Variants in C5orf24 observed in about 807,000 individuals in gnomAD.
C5orf24 encodes the protein UPF0461 protein C5orf24.
A neutral mutation model predicts 9.8 loss-of-function variants in C5orf24; 4 were observed. That is an observed-to-expected ratio of 0.41 (90% CI 0.20 to 0.93). The LOEUF (loss-of-function observed/expected upper bound fraction) is 0.93. Ranked by LOEUF, C5orf24 falls within the 40% of genes least tolerant of loss-of-function variation. The probability of loss-of-function intolerance (pLI) is 0.33; values close to 1 mark genes in which losing one functional copy is unlikely to be tolerated. For missense variants in C5orf24, 170 were observed against 236.9 expected (o/e 0.72, Z 1.85); for synonymous variants, 73 against 81.3 (o/e 0.90, Z 0.55).
rs1756273474 is a variant in C5orf24 at position 134,855,092 on chromosome 5, G to T, written c.192G>T (p.Leu64Phe). 1 of 1,613,998 alleles carries T rather than the reference G, an allele frequency of 6.2e-7. No homozygotes were observed. The highest frequency in any genetic ancestry group is 8.5e-7 in the Non-Finnish European group (1 of 1,180,034). The change falls in exon 2 of 2, where the codon TTG (leucine) becomes TTT (phenylalanine). Residue 64 changes from leucine to phenylalanine, a missense_variant. Coordinates refer to ENST00000394976, the MANE Select transcript of C5orf24 (RefSeq NM_001135586.1). The stretch of plus-strand genomic sequence containing the variant: ...AAGACCCATTAAATGAAACACACTT[G>T]CAGACTACAAGTGGCAGAAGCATAG... ...QRQDPLNETH[L>F]QTTSGRSIEI...
At position 134,855,276 on chromosome 5, in the gene C5orf24, T is replaced by C. The variant is rs148188988; in HGVS notation, c.376T>C (p.Leu126=). ...ATTTAAGACAAGTCCAGGCAGACCT[T>C]TGGGGACAACTAAAGCTGCGGGATA... ...AGFKTSPGRP[L]GTTKAAGYKV... Residue 126 remains leucine (L), a synonymous_variant, in exon 2 of 2, where the codon TTG becomes CTG. Transcript: ENST00000394976. The C allele has an allele frequency of 2.0e-4, 319 of 1,614,086 alleles. No individual in the cohort carries two copies. The African/African-American group carries it at 2.2e-3, about 11-fold the overall frequency.
chr5:134,841,392 C>T (rs1235135250), upstream of C5orf24, among the ~76,000 whole-genome samples: 1 of 151,756 alleles, frequency 6.6e-6, no homozygotes, highest in Non-Finnish European at 1.5e-5. Flanking sequence ...GAGTTGGAGA[C>T]CAGGCTGGTC....
chr5:134,855,397 C>G lies in C5orf24; in HGVS notation c.497C>G (p.Pro166Arg), dbSNP rs745591107. ...TGTGGCACTGCTGCTTTTCCTTACCCTATGATGCATGGCAGAGCAGTTCAT... is the reference window on the plus strand; with the variant it reads ...TGTGGCACTGCTGCTTTTCCTTACCGTATGATGCATGGCAGAGCAGTTCAT... ...YGCGTAAFPY[P>R]MMHGRAVHGV... Residue 166 changes from proline (P) to arginine (R), a missense_variant, in exon 2 of 2, where the codon CCT (proline) becomes CGT (arginine). By Grantham distance (103) the Pro-to-Arg change is moderately radical. Coordinates refer to ENST00000394976, the MANE Select transcript of C5orf24 (RefSeq NM_001135586.1). The G allele has an allele frequency of 2.4e-5, 38 of 1,614,064 alleles. No individual in the cohort carries two copies. Among genetic ancestry groups the G allele is most frequent in the Non-Finnish European group, 3.1e-5 (36 of 1,180,044 alleles).
upstream of C5orf24, among the ~76,000 whole-genome samples, chr5:134,843,899 A>G (rs1755935938): frequency 6.6e-6 from 1 of 152,230 alleles, no homozygotes; most frequent in Admixed American, 6.5e-5. Flanking sequence ...TTAATTTCAC[A>G]GCTCTACAAG....
upstream of C5orf24, among the ~76,000 whole-genome samples, chr5:134,841,148 G>A (rs537469016): frequency 6.6e-6 from 1 of 152,172 alleles, no homozygotes; most frequent in Non-Finnish European, 1.5e-5. Context: ...ATCGTAGAAG[G>A]GCCCGTTTCC....
chr5:134,846,178 A>C lies in C5orf24; in HGVS notation c.-38A>C, dbSNP rs1363898881. ...GGTTCCCAGCCGCTGGGAAGCCCCT[A>C]GACGCGCCGAGGGGCCGGGCTACGA... On this transcript the variant is annotated 5_prime_UTR_variant, in exon 1 of 2. Coordinates refer to ENST00000394976, the MANE Select transcript of C5orf24 (RefSeq NM_001135586.1). The C allele has an allele frequency of 6.6e-6, 1 of 152,220 alleles. No homozygotes were observed. The highest frequency in any genetic ancestry group is 1.9e-4 in the East Asian group (1 of 5,176). The allele number at this position is 152,220 out of a possible 1,614,324, so 9.4% of individuals were successfully genotyped here.
At chr5:134,838,499 C>A in the C5orf24 span, among the ~76,000 whole-genome samples, 1 of 152,012 alleles carries the variant, frequency 6.6e-6, no homozygotes, top group Non-Finnish European at 1.5e-5. Context: ...GAAACGCCGT[C>A]TCTACTAAAA....
At chr5:134,837,643 C>T in the C5orf24 span, among the ~76,000 whole-genome samples, 1 of 151,654 alleles carries the variant, frequency 6.6e-6, no homozygotes, top group African/African-American at 2.4e-5. Context: ...CTCCCTTGCC[C>T]CTTCTGCCAT....
chr5:134,843,498 G>A (rs952605369), upstream of C5orf24, among the ~76,000 whole-genome samples: 1 of 151,856 alleles, frequency 6.6e-6, no homozygotes, highest in African/African-American at 2.4e-5. Context: ...CAGTGGCGTG[G>A]CTCACTGTAA....
upstream of C5orf24, among the ~76,000 whole-genome samples, chr5:134,840,788 G>A (rs184043858): frequency 4.0e-5 from 6 of 151,562 alleles, no homozygotes; most frequent in Admixed American, 1.3e-4. Flanking sequence ...CTCCTGTTTC[G>A]GCCTCCCAAA....
intron 1 of C5orf24, among the ~76,000 whole-genome samples, chr5:134,847,616 A>G (rs74388624): frequency 0.012 from 1,828 of 151,862 alleles, 12 homozygotes; most frequent in Non-Finnish European, 0.018. Flanking sequence ...TAAAAAGATG[A>G]TCTTTAACCT....
chr5:134,850,776 C>T (rs1015375098), intron 1 of C5orf24, among the ~76,000 whole-genome samples: 6 of 151,790 alleles, frequency 4.0e-5, no homozygotes, highest in South Asian at 2.1e-4. Context: ...CATGCCCAGC[C>T]GCACGACTAA....
At chr5:134,840,741 G>A (rs1360199969), upstream of C5orf24, among the ~76,000 whole-genome samples, 1 of 151,122 alleles carries the variant, frequency 6.6e-6, no homozygotes, top group African/African-American at 2.4e-5. Context: ...CTATGTTGTT[G>A]CCTAGGCTGA....
chr5:134,838,795 A>G, the C5orf24 span, among the ~76,000 whole-genome samples: 1 of 151,884 alleles, frequency 6.6e-6, no homozygotes. Flanking sequence ...AAAAAAAAAA[A>G]TTGTCTAAGT....
At chr5:134,846,397 TC>T (rs1265755883) in intron 1 of C5orf24, 185 bp downstream of exon 1, 1 of 151,938 alleles carries the variant, frequency 6.6e-6, no homozygotes, top group Non-Finnish European at 1.5e-5. Context: ...GGGGGGACAT[TC>T]CTCCTGCGGC....
At chr5:134,853,708 A>G (rs578072824) in intron 1 of C5orf24, among the ~76,000 whole-genome samples, 1 of 152,030 alleles carries the variant, frequency 6.6e-6, no homozygotes, top group East Asian at 1.9e-4. Flanking sequence ...GTAAGGGAAG[A>G]TGATCCACAC....
At chr5:134,837,060 G>T in the C5orf24 span, among the ~76,000 whole-genome samples, 4 of 151,848 alleles carry the variant, frequency 2.6e-5, no homozygotes, top group Non-Finnish European at 5.9e-5. Context: ...TGCAACCTCC[G>T]CCTCCCAGGT....
At position 134,855,464 on chromosome 5, in the gene C5orf24, G is replaced by A. The variant is rs764241103; in HGVS notation, c.564G>A (p.Glu188=). The A allele has an allele frequency of 6.8e-6, 11 of 1,613,944 alleles. No individual in the cohort carries two copies. The highest frequency in any genetic ancestry group is 3.3e-5 in the South Asian group (3 of 91,062). Residue 188 remains glutamate, a synonymous_variant, in exon 2 of 2, where the codon GAG becomes GAA. Transcript: ENST00000394976. ...GCAGTGAAGTCAAACCACCCAATGA[G>A]TGAATGAGGCAGGAAAAGAGGGCCA... ...ETSSEVKPPN[E] is the part of the protein sequence containing the mutation.
upstream of C5orf24, among the ~76,000 whole-genome samples, chr5:134,843,604 T>C (rs1057058643): frequency 1.3e-5 from 2 of 152,188 alleles, no homozygotes; most frequent in African/African-American, 4.8e-5. Context: ...TCACCCAGAC[T>C]GGAGTGCAGT....
Sources: allele counts gnomAD v4.1 joint callset (sites outside exome capture counted in the v4.1 genomes callset), GRCh38; gene constraint gnomAD v4.1.1; transcripts MANE v1.5; gene names NCBI Gene and HGNC (gene_info 2026-07-23, HGNC 2026-07-21).